The following SLC13A5 variants were observed in gnomAD, a reference collection of about 807,000 sequenced individuals.
SLC13A5 encodes the protein solute carrier family 13 member 5.
Under a neutral mutation model 56.5 loss-of-function variants are expected in SLC13A5, and 25 were observed. That is an observed-to-expected ratio of 0.44 (90% CI 0.32 to 0.62). The LOEUF is 0.62. Ranked by LOEUF, SLC13A5 falls within the 20% of genes least tolerant of loss-of-function variation. The probability of loss-of-function intolerance (pLI) is 0.04; values close to 1 mark genes in which losing one functional copy is unlikely to be tolerated. For synonymous variants in SLC13A5, 307 were observed against 301.5 expected, an observed-to-expected ratio of 1.02 and a Z score of -0.19; for missense variants, 649 against 737.8, an observed-to-expected ratio of 0.88 and a Z score of 1.39.
At chr17:6,709,520 G>C (rs1214487848) in intron 1 of SLC13A5, among the ~76,000 whole-genome samples, 1 of 149,468 alleles carries the variant, frequency 6.7e-6, no homozygotes. Context: ...CACCTGTCTC[G>C]GCCTCCCAAA....
At chr17:6,699,795 G>A (rs915510784) in intron 6 of SLC13A5, among the ~76,000 whole-genome samples, 2 of 152,070 alleles carry the variant, frequency 1.3e-5, no homozygotes, top group Non-Finnish European at 2.9e-5. Flanking sequence ...TAGTAGAGAC[G>A]GGGTTTCACC....
chr17:6,694,287 C>G lies in SLC13A5; in HGVS notation c.1056-90G>C, dbSNP rs529104419. 5 of 752,134 alleles carry G rather than the reference C, an allele frequency of 6.6e-6. No homozygotes were observed. The South Asian group carries it at 8.3e-5, about 12-fold the overall frequency. The allele number at this position is 752,134 out of a possible 1,614,324, so 46.6% of individuals were successfully genotyped here. A position where few individuals can be genotyped will look rare whatever the true frequency, so the allele number is the denominator to read the frequency against. ...CCGGCAGTTCTGTGTCCAAATGCTT[C>G]TATGCAAAGAAACAGGCTCACAGCC... On this transcript the variant is annotated intron_variant, in intron 7 of 11. Transcript: ENST00000433363.
chr17:6,689,816 T>G (rs1973348171), intron 10 of SLC13A5: 1 of 152,054 alleles, frequency 6.6e-6, no homozygotes, highest in African/African-American at 2.4e-5. Context: ...GTTCAGGCCC[T>G]CTGTAAATCT....
intron 10 of SLC13A5, chr17:6,690,096 C>CAAAAAAAAAA (rs1567614272): frequency 1.4e-5 from 1 of 72,160 alleles, no homozygotes; most frequent in South Asian, 4.9e-4. Context: ...AAAAAAAAAA[C>CAAAAAAAAAA]CATAGCCACT....
In SLC13A5 at chr17:6,685,113, G is replaced by A. The variant is rs142978832; in HGVS notation, c.*1094C>T. The A allele has an allele frequency of 1.3e-5, 2 of 152,324 alleles. No homozygotes were observed. Among genetic ancestry groups the A allele is most frequent in the African/African-American group, 2.4e-5 (1 of 41,574 alleles). 9.4% of individuals were successfully genotyped at this position (152,324 alleles called of 1,614,324 possible). On this transcript the variant is annotated 3_prime_UTR_variant, in exon 12 of 12. Coordinates refer to ENST00000433363, the MANE Select transcript of SLC13A5 (RefSeq NM_177550.5). This position sits in a 1 kb window ranked among gnomAD's most constrained non-coding sequence, Gnocchi z 4.2. ...TCACCAAGCGCTGCTCAATCTCAAC[G>A]ATCCTCTGTTGTCACCAGCCATGGC...
chr17:6,696,244 G>A (rs978804097), intron 6 of SLC13A5, among the ~76,000 whole-genome samples: 31 of 152,134 alleles, frequency 2.0e-4, no homozygotes, highest in African/African-American at 6.8e-4. Context: ...CGGAGCCTGC[G>A]CAAGGTGGGA....
rs775100779 is a variant in SLC13A5, at chr17:6,700,996, A to G, written c.839+8T>C. ...GGCATAATTAGGCTGTGAGCAGCTCAAACTTACTTGAATCTCATGTAAACA... is the reference window on the plus strand; with the variant it reads ...GGCATAATTAGGCTGTGAGCAGCTCGAACTTACTTGAATCTCATGTAAACA... On this transcript the variant is annotated splice_region_variant and intron_variant, in intron 6 of 11. Transcript: ENST00000433363. 1.2e-6 allele frequency: 2 copies of G among 1,614,120 alleles called. No individual in the cohort carries two copies. The highest frequency in any genetic ancestry group is 3.3e-4 in the Middle Eastern group (2 of 6,062).
Position 6,687,193 on chromosome 17 carries a change from G to A in SLC13A5, c.1575+336C>T, listed in dbSNP as rs937264948. The A allele has an allele frequency of 3.5e-6, 1 of 283,204 alleles. No individual in the cohort carries two copies. Among genetic ancestry groups the A allele is most frequent in the African/African-American group, 2.3e-5 (1 of 43,492 alleles). The allele number at this position is 283,204 out of a possible 1,614,324, so 17.5% of individuals were successfully genotyped here. ...TAAGCCTGCCCTGCCTATCTTCATG[G>A]TTCTTGCTAATTTGTCAAGTTCATC... On this transcript the variant is annotated intron_variant, in intron 11 of 11. Transcript: ENST00000433363. This position sits in a 1 kb window ranked among gnomAD's most constrained non-coding sequence, Gnocchi z 5.0.
intron 3 of SLC13A5, chr17:6,704,305 G>T (rs747894108): frequency 9.3e-6 from 6 of 642,844 alleles, no homozygotes; most frequent in African/African-American, 1.8e-5. Context: ...TACTCTGCTT[G>T]CTTCTGGGGT....
At chr17:6,686,640 C>T (rs912233346) in intron 11 of SLC13A5, 46 of 341,324 alleles carry the variant, frequency 1.3e-4, no homozygotes, top group African/African-American at 8.6e-4. Context: ...GTCACAGAGC[C>T]CAGTGTTCCG....
intron 3 of SLC13A5, 42 bp from the exon 4 acceptor site, chr17:6,704,098 C>G (rs762472717): frequency 6.3e-7 from 1 of 1,577,366 alleles, no homozygotes; most frequent in Non-Finnish European, 8.6e-7. Flanking sequence ...GAATCCCCAC[C>G]CCACCCCCGT....
chr17:6,712,559 C>T (rs772401795), intron 1 of SLC13A5, among the ~76,000 whole-genome samples: 6 of 152,252 alleles, frequency 3.9e-5, no homozygotes, highest in Non-Finnish European at 8.8e-5. Context: ...CCTCCTGCTA[C>T]AGCCCCAGCA....
At chr17:6,710,819 G>A (rs1008069587) in intron 1 of SLC13A5, among the ~76,000 whole-genome samples, 1 of 151,856 alleles carries the variant, frequency 6.6e-6, no homozygotes, top group Admixed American at 6.6e-5. Flanking sequence ...CATCTGGAAA[G>A]ATGTTCATCA....
chr17:6,700,124 T>C (rs973027677), intron 6 of SLC13A5, among the ~76,000 whole-genome samples: 1 of 152,218 alleles, frequency 6.6e-6, no homozygotes, highest in Non-Finnish European at 1.5e-5. Context: ...AACTCAGAGC[T>C]GAGTACTTTC....
In SLC13A5 at chr17:6,690,759, C is replaced by T. The variant is rs1410190409; in HGVS notation, c.1437+20G>A. ...TTCCTGTGAAATGGAAGGGCTCCTCCCCACTGTCAGGTTACTTACCATGGA... is the reference window on the plus strand; with the variant it reads ...TTCCTGTGAAATGGAAGGGCTCCTCTCCACTGTCAGGTTACTTACCATGGA... On this transcript the variant is annotated intron_variant, in intron 10 of 11. Transcript: ENST00000433363. 3.7e-6 allele frequency: 6 copies of T among 1,614,024 alleles called. No individual in the cohort carries two copies. In the African/African-American group the frequency reaches 8.0e-5, roughly 22 times the overall value.
chr17:6,702,922 C>A, intron 5 of SLC13A5, 48 bp downstream of exon 5: 1 of 1,595,626 alleles, frequency 6.3e-7, no homozygotes, highest in Non-Finnish European at 8.6e-7. Flanking sequence ...GTCCCTCCAG[C>A]CCCGGTACCC....
chr17:6,687,344 G>C lies in SLC13A5; in HGVS notation c.1575+185C>G. 1.3e-6 allele frequency: 1 copy of C among 777,272 alleles called. No individual in the cohort carries two copies. Among genetic ancestry groups the C allele is most frequent in the South Asian group, 1.8e-5 (1 of 54,138 alleles). 48.1% of individuals were successfully genotyped at this position (777,272 alleles called of 1,614,324 possible). ...AGAGAAAGAACAGTGTGTGAGGCTTGAGATCATCTCAGAAAAAGAAGAAAA... is the reference window on the plus strand; with the variant it reads ...AGAGAAAGAACAGTGTGTGAGGCTTCAGATCATCTCAGAAAAAGAAGAAAA... On this transcript the variant is annotated intron_variant, in intron 11 of 11. Transcript: ENST00000433363. The surrounding 1 kb of genome is among the most constrained non-coding windows in gnomAD (Gnocchi z 5.0).
intron 6 of SLC13A5, among the ~76,000 whole-genome samples, chr17:6,697,889 C>T (rs1340994706): frequency 1.3e-5 from 2 of 152,192 alleles, no homozygotes; most frequent in Non-Finnish European, 2.9e-5. Context: ...AGGCCAAGAA[C>T]TTAACCTCGT....
At chr17:6,690,560 G>A (rs1285882573) in intron 10 of SLC13A5, among the ~76,000 whole-genome samples, 1 of 152,240 alleles carries the variant, frequency 6.6e-6, no homozygotes, top group Non-Finnish European at 1.5e-5. Flanking sequence ...CATGGTTGGT[G>A]CTTTGGTCAG....
Sources: gnomAD v4.1 joint callset for allele counts (sites outside exome capture counted in the v4.1 genomes callset) on GRCh38, gnomAD v4.1.1 for gene constraint, Gnocchi (gnomAD v3.1) non-coding constraint, MANE v1.5 for transcripts, NCBI Gene and HGNC (gene_info 2026-07-23, HGNC 2026-07-21) for gene names.